Variants in LMCD1 observed in about 807,000 individuals in gnomAD.
The protein encoded by LMCD1 is LIM and cysteine-rich domains protein 1.
LMCD1 carries 32 observed loss-of-function variants against 42.7 expected under a neutral mutation model. That is an observed-to-expected ratio of 0.75 (90% CI 0.57 to 1.01). The LOEUF is 1.01. Among genes scored for constraint, LMCD1 ranks in the 50% least tolerant of loss-of-function variants. The pLI is 0.00. For synonymous variants in LMCD1, 178 were observed against 184.9 expected (o/e 0.96, Z 0.30); for missense variants, 458 against 483.1 (o/e 0.95, Z 0.49).
At chr3:8,514,759 C>A (rs1694067656) in intron 1 of LMCD1, among the ~76,000 whole-genome samples, 1 of 152,156 alleles carries the variant, frequency 6.6e-6, no homozygotes, top group Non-Finnish European at 1.5e-5. Flanking sequence ...CAAAAGAATA[C>A]ACACCGTGTA....
chr3:8,552,194 GC>G (rs1195278379), intron 4 of LMCD1, among the ~76,000 whole-genome samples: 1 of 152,166 alleles, frequency 6.6e-6, no homozygotes, highest in East Asian at 1.9e-4. Context: ...GCTTACAACT[GC>G]CCCAAGATGT....
intron 1 of LMCD1, among the ~76,000 whole-genome samples, chr3:8,517,098 C>G (rs1030471467): frequency 6.6e-6 from 1 of 152,170 alleles, no homozygotes; most frequent in African/African-American, 2.4e-5. Context: ...GAAATGTGGG[C>G]AATTCAACCC....
At position 8,511,904 on chromosome 3, in the gene LMCD1, C is replaced by G. The variant is rs558284323; in HGVS notation, c.42+9924C>G. Among the ~76,000 whole-genome samples, 16 of 152,248 alleles carry G rather than the reference C, an allele frequency of 1.1e-4. No individual in the cohort carries two copies. The South Asian group carries it at 3.1e-3, about 30-fold the overall frequency. ...CCCAAGCCCTGCAATGGAGTTCCAG[C>G]AAACTCCCCCAAGTTGAGTTTGAAT... On this transcript the variant is annotated intron_variant, in intron 1 of 5. Coordinates refer to ENST00000157600, the MANE Select transcript of LMCD1 (RefSeq NM_014583.4).
chr3:8,548,688 C>T lies in LMCD1; in HGVS notation c.508C>T (p.Arg170Cys), dbSNP rs148245633. Residue 170 changes from arginine (R) to cysteine (C), a missense_variant, in exon 4 of 6, where the codon CGC becomes TGC. Coordinates refer to ENST00000157600, the MANE Select transcript of LMCD1 (RefSeq NM_014583.4). Reference sequence around the variant, plus strand: ...CCCCATCTATGACCAGGATCCCTCGCGCTGCCGTGGACTTTTGGAGAATGA... The same window carrying T: ...CCCCATCTATGACCAGGATCCCTCGTGCTGCCGTGGACTTTTGGAGAATGA... The part of the protein sequence containing the change: ...QLPIYDQDPS[R>C]CRGLLENELK... 212 of 1,614,168 alleles carry T rather than the reference C, an allele frequency of 1.3e-4. 1 individual carries two copies. In the African/African-American group the frequency reaches 2.3e-3, roughly 18 times the overall value.
intron 1 of LMCD1, 78 bp from the exon 2 acceptor site, chr3:8,532,659 C>T: frequency 7.9e-7 from 1 of 1,260,452 alleles, no homozygotes. Context: ...TGCCAGCACG[C>T]CAAGTCTTTT....
rs920025178 is a variant in LMCD1, at chr3:8,563,781, C to T, written c.724-1651C>T. 9.2e-5 allele frequency among the ~76,000 whole-genome samples: 14 copies of T among 152,290 alleles called. No homozygotes were observed. In the East Asian group the frequency reaches 2.5e-3, roughly 27 times the overall value. ...AAGAATCTGACAAACACTGCCTCCA[C>T]CAGAAGGTCAAAGTCAACCGCAACA... On this transcript the variant is annotated intron_variant, in intron 4 of 5. Coordinates refer to ENST00000157600, the MANE Select transcript of LMCD1 (RefSeq NM_014583.4).
intron 1 of LMCD1, among the ~76,000 whole-genome samples, chr3:8,505,407 G>A (rs1432439805): frequency 6.6e-6 from 1 of 152,212 alleles, no homozygotes; most frequent in African/African-American, 2.4e-5. Flanking sequence ...CCTCGAAGGG[G>A]ACTTGGAGTG....
intron 5 of LMCD1, 25 bp downstream of exon 5, chr3:8,565,672 T>TA (rs1237109355): frequency 6.4e-7 from 1 of 1,559,474 alleles, no homozygotes; most frequent in South Asian, 1.2e-5. Flanking sequence ...CGAGATGGGT[T>TA]AGGGGGCTTG....
intron 4 of LMCD1, among the ~76,000 whole-genome samples, chr3:8,555,055 C>T (rs1694907757): frequency 1.3e-5 from 2 of 152,094 alleles, no homozygotes; most frequent in East Asian, 1.9e-4. Context: ...GAAGATGTTC[C>T]CCACAGTCAT....
intron 4 of LMCD1, among the ~76,000 whole-genome samples, chr3:8,563,622 A>T (rs1463492900): frequency 6.6e-6 from 1 of 152,260 alleles, no homozygotes; most frequent in Non-Finnish European, 1.5e-5. Flanking sequence ...TGCCAAAATC[A>T]TGCATGGGTT....
intron 1 of LMCD1, among the ~76,000 whole-genome samples, chr3:8,513,565 C>A (rs920004319): frequency 6.6e-6 from 1 of 152,048 alleles, no homozygotes; most frequent in Non-Finnish European, 1.5e-5. Context: ...CAAGAAAAAT[C>A]AGCACTGTTC....
intron 4 of LMCD1, among the ~76,000 whole-genome samples, chr3:8,563,287 A>G (rs1695071741): frequency 6.6e-6 from 1 of 152,212 alleles, no homozygotes. Context: ...ATTTCCCAGA[A>G]CCAAAGATCT....
rs189389532 is a variant in LMCD1 at position 8,514,542 on chromosome 3, A to C, written c.42+12562A>C. ...CCAAAAGAAAGGATCACAGATATTC[A>C]CAAAAAAATTTTGGGCAAAAATATT... is the stretch of plus-strand genomic sequence containing the variant. On this transcript the variant is annotated intron_variant, in intron 1 of 5. Coordinates refer to ENST00000157600, the MANE Select transcript of LMCD1 (RefSeq NM_014583.4). Among the ~76,000 whole-genome samples the C allele has an allele frequency of 3.8e-3, 585 of 152,328 alleles. 2 individuals are homozygous for C. The highest frequency in any genetic ancestry group is 5.5e-3 in the Non-Finnish European group (376 of 68,024).
rs1483238240 is a variant in LMCD1, at chr3:8,569,841, CA to C, written c.*2248del. 2 of 152,316 alleles carry C rather than the reference CA, an allele frequency of 1.3e-5. No individual in the cohort carries two copies. The highest frequency in any genetic ancestry group is 1.3e-4 in the Admixed American group (2 of 15,276). 9.4% of individuals were successfully genotyped at this position (152,316 alleles called of 1,614,324 possible). On this transcript the variant is annotated 3_prime_UTR_variant, in exon 6 of 6. Transcript: ENST00000157600. The stretch of plus-strand genomic sequence containing the variant: ...CAAAACTCCACCCCTACAAAAAATA[CA>C]AAAACTATCTGGCATGGTGGCACAC...
chr3:8,504,296 C>T (rs933314918), intron 1 of LMCD1, among the ~76,000 whole-genome samples: 4 of 152,234 alleles, frequency 2.6e-5, no homozygotes, highest in African/African-American at 7.2e-5. Flanking sequence ...AAAGCTTTTA[C>T]TGCATATTTA....
chr3:8,548,596 A>G lies in LMCD1; in HGVS notation c.416A>G (p.Lys139Arg). 1 of 1,613,602 alleles carries G rather than the reference A, an allele frequency of 6.2e-7. No individual in the cohort carries two copies. The highest frequency in any genetic ancestry group is 8.5e-7 in the Non-Finnish European group (1 of 1,179,644). ...LGLQYMELIP[K>R]EKQPVTGTEG... ...CTGCAGTACATGGAGCTCATCCCCAAGGAGAAGCAGCCAGTGACAGGCACA... is the reference window on the plus strand; with the variant it reads ...CTGCAGTACATGGAGCTCATCCCCAGGGAGAAGCAGCCAGTGACAGGCACA... Residue 139 changes from lysine (K) to arginine (R), a missense_variant, in exon 4 of 6, where the codon AAG becomes AGG. Physicochemically the swap from Lys to Arg is conservative, Grantham distance 26 (BLOSUM62 2). Transcript: ENST00000157600.
At chr3:8,563,024 C>T (rs1695067058) in intron 4 of LMCD1, among the ~76,000 whole-genome samples, 1 of 152,256 alleles carries the variant, frequency 6.6e-6, no homozygotes, top group Non-Finnish European at 1.5e-5. Flanking sequence ...GATGCATCAT[C>T]TGCTAGTGTC....
intron 5 of LMCD1, among the ~76,000 whole-genome samples, chr3:8,567,100 T>C (rs1203075655): frequency 6.6e-6 from 1 of 152,206 alleles, no homozygotes; most frequent in Admixed American, 6.5e-5. Flanking sequence ...CCATTGGCAG[T>C]TTATCTATCC....
chr3:8,533,922 C>T (rs1035382854), intron 2 of LMCD1, among the ~76,000 whole-genome samples: 1 of 151,772 alleles, frequency 6.6e-6, no homozygotes, highest in Non-Finnish European at 1.5e-5. Flanking sequence ...GAGCTCGCAC[C>T]GTCTTCTGGT....
Sources: allele counts gnomAD v4.1 joint callset (sites outside exome capture counted in the v4.1 genomes callset), GRCh38; gene constraint gnomAD v4.1.1; transcripts MANE v1.5; gene names NCBI Gene and HGNC (gene_info 2026-07-23, HGNC 2026-07-21).